PRKCE: variants seen among roughly 807,000 people sequenced by gnomAD.
The protein encoded by PRKCE is protein kinase C epsilon type.
PRKCE carries 16 observed loss-of-function variants against 85.4 expected under a neutral mutation model. The ratio of observed to expected loss-of-function variants is 0.19; its 90% CI spans 0.13 to 0.28. The LOEUF (loss-of-function observed/expected upper bound fraction) is 0.28, where lower values mean the gene tolerates loss of function less well. Ranked by LOEUF, PRKCE falls within the 10% of genes least tolerant of loss-of-function variation. The pLI, the probability that PRKCE is intolerant of heterozygous loss-of-function variation, is 1.00. For missense variants in PRKCE, 573 were observed against 975.2 expected, an observed-to-expected ratio of 0.59 and a Z score of 5.49; for synonymous variants, 388 against 371.5, an observed-to-expected ratio of 1.04 and a Z score of -0.51.
At chr2:46,063,861 G>C (rs1309458297) in intron 10 of PRKCE, among the ~76,000 whole-genome samples, 1 of 152,190 alleles carries the variant, frequency 6.6e-6, no homozygotes, top group Non-Finnish European at 1.5e-5. Context: ...CCTGAGAGAA[G>C]GGTGGAGTAT....
chr2:45,885,322 C>G (rs1305582528), intron 2 of PRKCE, among the ~76,000 whole-genome samples: 1 of 151,990 alleles, frequency 6.6e-6, no homozygotes, highest in East Asian at 1.9e-4. Flanking sequence ...GGGAAGGGAC[C>G]TGACAAAGCT....
chr2:45,939,816 G>GT, intron 2 of PRKCE, among the ~76,000 whole-genome samples: 1 of 152,314 alleles, frequency 6.6e-6, no homozygotes, highest in Middle Eastern at 3.4e-3. Flanking sequence ...GCCTCCCAAA[G>GT]TGCTGGGATT....
chr2:46,018,712 G>C (rs1558966797), intron 10 of PRKCE, among the ~76,000 whole-genome samples: 1 of 152,212 alleles, frequency 6.6e-6, no homozygotes, highest in Non-Finnish European at 1.5e-5. Context: ...TTTTAGAAAA[G>C]TACATGTCTG....
intron 2 of PRKCE, among the ~76,000 whole-genome samples, chr2:45,937,917 G>T (rs1699593103): frequency 6.6e-6 from 1 of 152,176 alleles, no homozygotes; most frequent in East Asian, 1.9e-4. Flanking sequence ...TGACTGTGGG[G>T]ATCTGGGAGC....
At chr2:45,920,457 T>C (rs1052336877) in intron 2 of PRKCE, among the ~76,000 whole-genome samples, 22 of 152,348 alleles carry the variant, frequency 1.4e-4, no homozygotes, top group African/African-American at 5.3e-4. Flanking sequence ...TGTGCATGCA[T>C]ATTCATAGCA....
At chr2:46,018,512 A>G (rs905079754) in intron 10 of PRKCE, among the ~76,000 whole-genome samples, 10 of 152,168 alleles carry the variant, frequency 6.6e-5, no homozygotes, top group African/African-American at 2.4e-4. Flanking sequence ...TGGCCTCTAT[A>G]CAGTGCCCAG....
At chr2:46,053,204 A>T (rs935821888) in intron 10 of PRKCE, among the ~76,000 whole-genome samples, 10 of 152,246 alleles carry the variant, frequency 6.6e-5, no homozygotes, top group Admixed American at 5.9e-4. Flanking sequence ...TTTGGATTCC[A>T]CTAGACATTT....
chr2:45,986,671 G>A (rs768629478), intron 6 of PRKCE, among the ~76,000 whole-genome samples: 1 of 152,216 alleles, frequency 6.6e-6, no homozygotes, highest in Non-Finnish European at 1.5e-5. Context: ...TGAGAGGCAC[G>A]AGGAGGGTGG....
At chr2:45,915,370 C>T (rs557745774) in intron 2 of PRKCE, among the ~76,000 whole-genome samples, 2 of 152,186 alleles carry the variant, frequency 1.3e-5, no homozygotes, top group South Asian at 2.1e-4. Context: ...CTTCTAAGCA[C>T]ATCTTTAAGA....
At chr2:46,122,016 T>A (rs1459648358) in intron 11 of PRKCE, among the ~76,000 whole-genome samples, 1 of 151,970 alleles carries the variant, frequency 6.6e-6, no homozygotes, top group Non-Finnish European at 1.5e-5. Flanking sequence ...AGGCCTACAG[T>A]CGAGTGCACA....
intron 2 of PRKCE, among the ~76,000 whole-genome samples, chr2:45,885,001 A>ATATTTTTTTTT (rs1342824133): frequency 2.8e-5 from 2 of 71,544 alleles, no homozygotes; most frequent in African/African-American, 5.8e-5. Context: ...ATATATATAT[A>ATATTTTTTTTT]TTTGTTGTTG....
chr2:45,923,221 GA>G (rs1252680547), intron 2 of PRKCE, among the ~76,000 whole-genome samples: 1 of 152,220 alleles, frequency 6.6e-6, no homozygotes, highest in Non-Finnish European at 1.5e-5. Context: ...AAGTCTTCTA[GA>G]AAATACAGAA....
rs570627316 is a variant in PRKCE, at chr2:46,068,151, G to T, written c.1438-18057G>T. ...CTCCCTTTGAGATTCTTAACAGAGGGTCATGAATTAGTATAAACCTTAGCT... is the reference window on the plus strand; with the variant it reads ...CTCCCTTTGAGATTCTTAACAGAGGTTCATGAATTAGTATAAACCTTAGCT... On this transcript the variant is annotated intron_variant, in intron 10 of 14. Transcript: ENST00000306156. The surrounding 1 kb of genome is among the most constrained non-coding windows in gnomAD (Gnocchi z 4.3). 1.3e-5 allele frequency among the ~76,000 whole-genome samples: 2 copies of T among 152,096 alleles called. No homozygotes were observed. The highest frequency in any genetic ancestry group is 1.9e-4 in the East Asian group (1 of 5,190).
rs550108674 is a variant in PRKCE, at chr2:45,727,852, A to G, written c.348+75404A>G. On this transcript the variant is annotated intron_variant, in intron 1 of 14. Transcript: ENST00000306156. ...GTATTTTTAGTAGAGACGGGGTTTCACCATGTTGGTCAGGCTGGTCTCAAA... is the reference window on the plus strand; with the variant it reads ...GTATTTTTAGTAGAGACGGGGTTTCGCCATGTTGGTCAGGCTGGTCTCAAA... Among the ~76,000 whole-genome samples, 4 of 152,088 alleles carry G rather than the reference A, an allele frequency of 2.6e-5. No individual in the cohort carries two copies. In the South Asian group the frequency reaches 8.3e-4, roughly 32 times the overall value.
intron 1 of PRKCE, among the ~76,000 whole-genome samples, chr2:45,750,850 A>G (rs1036325518): frequency 6.6e-6 from 1 of 152,150 alleles, no homozygotes; most frequent in Non-Finnish European, 1.5e-5. Flanking sequence ...CACACCATTC[A>G]CTGGAGCAAT....
chr2:46,073,318 G>A (rs920730392), intron 10 of PRKCE: 1 of 152,112 alleles, frequency 6.6e-6, no homozygotes, highest in African/African-American at 2.4e-5. Context: ...CTACCCACTG[G>A]GCTTAGTTTG....
At chr2:45,969,396 C>A (rs966253110) in intron 2 of PRKCE, among the ~76,000 whole-genome samples, 1 of 152,188 alleles carries the variant, frequency 6.6e-6, no homozygotes, top group South Asian at 2.1e-4. Flanking sequence ...TTGATGTTGC[C>A]TCAGAGGTCA....
intron 11 of PRKCE, among the ~76,000 whole-genome samples, chr2:46,086,966 G>A (rs955147479): frequency 5.9e-5 from 9 of 152,018 alleles, no homozygotes; most frequent in Non-Finnish European, 1.2e-4. Context: ...ACACATGCAC[G>A]CGCACACTGA....
chr2:46,036,691 C>CT (rs1486332204), intron 10 of PRKCE, among the ~76,000 whole-genome samples: 5 of 152,090 alleles, frequency 3.3e-5, no homozygotes, highest in African/African-American at 1.2e-4. Flanking sequence ...GGAGTGTCCT[C>CT]TCTGGGCTGG....
Sources: allele counts gnomAD v4.1 joint callset (sites outside exome capture counted in the v4.1 genomes callset), GRCh38; gene constraint gnomAD v4.1.1; non-coding constraint Gnocchi (gnomAD v3.1); transcripts MANE v1.5; gene names NCBI Gene and HGNC (gene_info 2026-07-23, HGNC 2026-07-21).